Variants in HTT observed in about 807,000 individuals in gnomAD.
HTT encodes huntington disease protein.
Under a neutral mutation model 362.3 loss-of-function variants are expected in HTT, and 104 were observed. The observed-to-expected ratio is 0.29, with a 90% CI of 0.24 to 0.34. HTT has a LOEUF of 0.34. Ranked by LOEUF, HTT falls within the 10% of genes least tolerant of loss-of-function variation. The pLI is 1.00. For synonymous variants in HTT, 1,577 were observed against 1,548.7 expected (o/e 1.02, Z -0.43); for missense variants, 3,301 against 3,928.6 (o/e 0.84, Z 4.27).
intron 49 of HTT, 113 bp downstream of exon 49, chr4:3,212,822 C>G (rs1720227609): frequency 2.7e-6 from 3 of 1,112,630 alleles, no homozygotes; most frequent in South Asian, 2.9e-5. Flanking sequence ...AGTCCAGTCA[C>G]TTTTCCATCT....
chr4:3,220,248 G>T lies in HTT; in HGVS notation c.7309G>T (p.Val2437Leu). 1 of 1,614,080 alleles carries T rather than the reference G, an allele frequency of 6.2e-7. No homozygotes were observed. The highest frequency in any genetic ancestry group is 8.5e-7 in the Non-Finnish European group (1 of 1,179,936). The change falls in exon 53 of 67, where the codon GTG becomes TTG. Residue 2437 changes from valine (V) to leucine (L), a missense_variant. Physicochemically the swap from Val to Leu is conservative, Grantham distance 32. Transcript: ENST00000355072. ...DFGTAFPEIP[V>L]EFLQEKEVFK... Reference sequence around the variant, plus strand: ...TGGCACAGCATTCCCTGAGATCCCCGTGGAGTTCCTCCAGGAAAAGGAAGT... The same window carrying T: ...TGGCACAGCATTCCCTGAGATCCCCTTGGAGTTCCTCCAGGAAAAGGAAGT...
chr4:3,242,569 G>T lies in HTT; in HGVS notation c.*2510G>T, dbSNP rs1200533252. 2 of 152,168 alleles carry T rather than the reference G, an allele frequency of 1.3e-5. No individual in the cohort carries two copies. The highest frequency in any genetic ancestry group is 2.9e-5 in the Non-Finnish European group (2 of 68,060). The allele number at this position is 152,168 out of a possible 1,614,324, so 9.4% of individuals were successfully genotyped here. A position where few individuals can be genotyped will look rare whatever the true frequency, so the allele number is the denominator to read the frequency against. ...CAGGCGTGGGACGTGGTCAGGGCAG[G>T]GCTCATTCATTGCCCACTAGGATCC... On this transcript the variant is annotated 3_prime_UTR_variant, in exon 67 of 67. Coordinates refer to ENST00000355072, the MANE Select transcript of HTT (RefSeq NM_001388492.1).
chr4:3,172,682 A>G (rs1205973175), intron 30 of HTT, among the ~76,000 whole-genome samples: 1 of 152,190 alleles, frequency 6.6e-6, no homozygotes, highest in African/African-American at 2.4e-5. Flanking sequence ...TAGAATGCTC[A>G]ATCTCATTTA....
At chr4:3,112,358 G>A (rs901359835) in intron 6 of HTT, among the ~76,000 whole-genome samples, 1 of 152,100 alleles carries the variant, frequency 6.6e-6, no homozygotes, top group African/African-American at 2.4e-5. Context: ...CTTAACCCTT[G>A]TAACCGCCAC....
chr4:3,148,299 C>G, intron 26 of HTT, 92 bp downstream of exon 26: 1 of 968,928 alleles, frequency 1.0e-6, no homozygotes, highest in East Asian at 2.7e-5. Context: ...CTTCTTTATT[C>G]TCTTTTTGCT....
chr4:3,134,307 T>G (rs1269940132), intron 18 of HTT, 94 bp from the exon 19 acceptor site: 4 of 1,070,296 alleles, frequency 3.7e-6, no homozygotes, highest in Non-Finnish European at 5.4e-6. Flanking sequence ...CCCAGAACAT[T>G]GTGTGTTGAA....
chr4:3,130,294 T>C lies in HTT; in HGVS notation c.1868-11T>C. Reference sequence around the variant, plus strand: ...ATTTGTCACTTAATCTTGATTTCTCTGTTTTTAAAGCCCTTCAACAGGCAC... The same window carrying C: ...ATTTGTCACTTAATCTTGATTTCTCCGTTTTTAAAGCCCTTCAACAGGCAC... On this transcript the variant is annotated splice_polypyrimidine_tract_variant and intron_variant, in intron 13 of 66. Coordinates refer to ENST00000355072, the MANE Select transcript of HTT (RefSeq NM_001388492.1). 1 of 1,476,458 alleles carries C rather than the reference T, an allele frequency of 6.8e-7. No individual in the cohort carries two copies. Among genetic ancestry groups the C allele is most frequent in the South Asian group, 1.2e-5 (1 of 80,552 alleles). 91.5% of individuals were successfully genotyped at this position (1,476,458 alleles called of 1,614,324 possible).
At chr4:3,139,275 G>T (rs1166563768) in intron 21 of HTT, among the ~76,000 whole-genome samples, 1 of 152,172 alleles carries the variant, frequency 6.6e-6, no homozygotes, top group Non-Finnish European at 1.5e-5. Flanking sequence ...TTGGCTCATT[G>T]CAACTATTGC....
intron 4 of HTT, among the ~76,000 whole-genome samples, chr4:3,104,680 GAGGCAGGTGGATGCTTGAGACC>G (rs1443176880): frequency 6.6e-6 from 1 of 152,088 alleles, no homozygotes; most frequent in African/African-American, 2.4e-5. Flanking sequence ...TTGGGAACCT[GAGGCAGGTGGATGCTTGAGACC>G]AGGAGTTTGA....
At chr4:3,143,227 A>G (rs983581237) in intron 23 of HTT, among the ~76,000 whole-genome samples, 2 of 152,150 alleles carry the variant, frequency 1.3e-5, no homozygotes, top group African/African-American at 4.8e-5. Context: ...ACTTGAGGTC[A>G]GGAGTCGGAT....
intron 23 of HTT, among the ~76,000 whole-genome samples, chr4:3,143,236 A>C (rs1325728805): frequency 5.9e-5 from 9 of 152,136 alleles, no homozygotes. Flanking sequence ...CAGGAGTCGG[A>C]TACCAGCCTG....
rs547888128 is a variant in HTT at position 3,242,283 on chromosome 4, C to T, written c.*2224C>T. ...GTCCTTAGCAAGGGGCTCAGAACACCCCGCTCTGGCAGTAGGTGTCCCCCA... is the reference window on the plus strand; with the variant it reads ...GTCCTTAGCAAGGGGCTCAGAACACTCCGCTCTGGCAGTAGGTGTCCCCCA... On this transcript the variant is annotated 3_prime_UTR_variant, in exon 67 of 67. Transcript: ENST00000355072. 2.0e-5 allele frequency: 3 copies of T among 152,278 alleles called. No homozygotes were observed. In the East Asian group the frequency reaches 5.8e-4, roughly 29 times the overall value. The allele number at this position is 152,278 out of a possible 1,614,324, so 9.4% of individuals were successfully genotyped here.
Position 3,146,938 on chromosome 4 carries a change from C to T in HTT, c.3285C>T (p.Asn1095=). 6.2e-7 allele frequency: 1 copy of T among 1,614,170 alleles called. No individual in the cohort carries two copies. The highest frequency in any genetic ancestry group is 8.5e-7 in the Non-Finnish European group (1 of 1,180,028). The part of the protein sequence containing the change: ...AHQDALILAG[N]LLAASAPKSL... ...AAGATGCTTTGATTTTGGCCGGAAA[C>T]TTGCTTGCAGGTACTGGTACTGAGT... The change falls in exon 25 of 67, where the codon AAC becomes AAT. Residue 1095 remains asparagine (N), a synonymous_variant. Coordinates refer to ENST00000355072, the MANE Select transcript of HTT (RefSeq NM_001388492.1).
intron 40 of HTT, among the ~76,000 whole-genome samples, chr4:3,199,464 C>A (rs959012908): frequency 1.3e-5 from 2 of 151,506 alleles, no homozygotes; most frequent in Non-Finnish European, 2.9e-5. Context: ...AGCTTGAAAC[C>A]GGAAGGTGGA....
chr4:3,224,951 T>G (rs530736705), intron 56 of HTT, among the ~76,000 whole-genome samples: 50 of 151,256 alleles, frequency 3.3e-4, no homozygotes, highest in African/African-American at 1.2e-3. Context: ...GGCACAGAGG[T>G]GGGTGGGAGG....
intron 16 of HTT, 37 bp downstream of exon 16, chr4:3,131,812 A>G (rs1317542559): frequency 6.3e-7 from 1 of 1,583,000 alleles, no homozygotes; most frequent in South Asian, 1.1e-5. Context: ...TCTCAGATTT[A>G]ATCATTATTG....
intron 26 of HTT, among the ~76,000 whole-genome samples, chr4:3,151,798 G>A (rs1333345955): frequency 2.0e-5 from 3 of 152,174 alleles, no homozygotes; most frequent in Admixed American, 6.5e-5. Flanking sequence ...GCATGCACCT[G>A]TACATGGACA....
intron 29 of HTT, among the ~76,000 whole-genome samples, chr4:3,163,715 G>A (rs997198212): frequency 6.6e-6 from 1 of 152,180 alleles, no homozygotes; most frequent in Non-Finnish European, 1.5e-5. Context: ...GGGTAGAGAT[G>A]TTTATAGTAT....
chr4:3,208,320 A>C (rs1719969383), intron 45 of HTT, among the ~76,000 whole-genome samples: 1 of 152,264 alleles, frequency 6.6e-6, no homozygotes, highest in Non-Finnish European at 1.5e-5. Flanking sequence ...GATTATAAAT[A>C]TCTTGTGCCA....
Sources: gnomAD v4.1 joint callset for allele counts (sites outside exome capture counted in the v4.1 genomes callset) on GRCh38, gnomAD v4.1.1 for gene constraint, MANE v1.5 for transcripts, NCBI Gene and HGNC (gene_info 2026-07-23, HGNC 2026-07-21) for gene names.